IRAG2: variants seen among roughly 807,000 people sequenced by gnomAD.
IRAG2 encodes lymphoid restricted membrane protein.
A neutral mutation model predicts 69.9 loss-of-function variants in IRAG2; 45 were observed. That is an observed-to-expected ratio of 0.64 (90% CI 0.51 to 0.83). The LOEUF is 0.83. Among genes scored for constraint, IRAG2 ranks in the 40% least tolerant of loss-of-function variants. The pLI is 0.00. For synonymous variants in IRAG2, 193 were observed against 202.4 expected (o/e 0.95, Z 0.40); for missense variants, 520 against 587.0 (o/e 0.89, Z 1.18).
At chr12:25,007,781 C>A (rs541906987) in intron 2 of IRAG2, among the ~76,000 whole-genome samples, 10 of 152,314 alleles carry the variant, frequency 6.6e-5, no homozygotes, top group African/African-American at 2.2e-4. Context: ...CTCGGCTTCC[C>A]AAAGTGTTGG....
upstream of IRAG2, among the ~76,000 whole-genome samples, chr12:25,003,984 G>T (rs1450011061): frequency 6.6e-6 from 1 of 152,108 alleles, no homozygotes; most frequent in Non-Finnish European, 1.5e-5. Flanking sequence ...CATTTATTGG[G>T]GTGTGTTGCT....
intron 1 of IRAG2, among the ~76,000 whole-genome samples, chr12:25,057,806 A>G (rs927617957): frequency 6.6e-6 from 1 of 152,164 alleles, no homozygotes; most frequent in African/African-American, 2.4e-5. Flanking sequence ...CACCCTAAGG[A>G]ACAACCACTG....
intron 4 of IRAG2, among the ~76,000 whole-genome samples, chr12:25,065,519 T>G (rs1945922847): frequency 1.3e-5 from 2 of 152,226 alleles, no homozygotes; most frequent in South Asian, 4.1e-4. Context: ...GGGTTCTAAT[T>G]ACCATGTCTA....
At chr12:25,054,458 T>C (rs73282856) in intron 1 of IRAG2, among the ~76,000 whole-genome samples, 3,804 of 152,302 alleles carry the variant, frequency 0.025, 163 homozygotes, top group African/African-American at 0.086. Context: ...CACTGTGATT[T>C]TCTTGCAGTA....
At chr12:25,079,586 G>A (rs1203554897) in intron 8 of IRAG2, 70 bp from the exon 9 acceptor site, 2 of 1,269,972 alleles carry the variant, frequency 1.6e-6, no homozygotes, top group East Asian at 4.6e-5. Flanking sequence ...CTTTTGCATA[G>A]TATAGTTAAA....
intron 14 of IRAG2, chr12:25,092,624 A>G (rs1418838948): frequency 6.6e-6 from 1 of 151,428 alleles, no homozygotes; most frequent in African/African-American, 2.4e-5. Flanking sequence ...GCATAAGAGT[A>G]ATCTTTCTAT....
In IRAG2 at chr12:25,107,956, T is replaced by C. The variant is rs369331176; in HGVS notation, c.1396T>C (p.Ser466Pro). ...SFLTGQLFQKSVDAAPTQQED... is the reference protein window; with the variant it reads ...SFLTGQLFQKPVDAAPTQQED... ...CCTCACAGGCCAATTATTCCAGAAG[T>C]CTGTGGATGCCGCTCCCACACAGCA... Residue 466 changes from serine to proline, a missense_variant, in exon 22 of 22, where the codon TCT becomes CCT. Ser to Pro is a moderately conservative substitution (Grantham distance 74). Coordinates refer to ENST00000556887, the MANE Select transcript of IRAG2 (RefSeq NM_001366544.2). The C allele has an allele frequency of 1.2e-6, 2 of 1,614,150 alleles. No homozygotes were observed. Among genetic ancestry groups the C allele is most frequent in the Non-Finnish European group, 1.7e-6 (2 of 1,180,032 alleles).
intron 15 of IRAG2, among the ~76,000 whole-genome samples, chr12:25,098,960 C>T (rs1301561040): frequency 6.6e-6 from 1 of 152,158 alleles, no homozygotes; most frequent in Non-Finnish European, 1.5e-5. Flanking sequence ...CACTTAGCTT[C>T]CAGGCACCAT....
In IRAG2 at chr12:25,061,620, C is replaced by T. The variant is rs1302841676; in HGVS notation, c.-418C>T. The T allele has an allele frequency of 2.5e-6, 1 of 398,534 alleles. No homozygotes were observed. Among genetic ancestry groups the T allele is most frequent in the Admixed American group, 4.4e-5 (1 of 22,732 alleles). The allele number at this position is 398,534 out of a possible 1,614,324, so 24.7% of individuals were successfully genotyped here. A position where few individuals can be genotyped will look rare whatever the true frequency, so the allele number is the denominator to read the frequency against. ...CAATTGAGTCACTTCAAAAGGAGTT[C>T]ATTGAAGGGGAACACCATGGCTTGC... is the stretch of plus-strand genomic sequence containing the variant. On this transcript the variant is annotated 5_prime_UTR_variant, in exon 2 of 22. Transcript: ENST00000556887.
At chr12:25,062,704 G>T in intron 2 of IRAG2, 116 bp from the exon 3 acceptor site, 1 of 395,724 alleles carries the variant, frequency 2.5e-6, no homozygotes, top group Non-Finnish European at 4.5e-6. Context: ...AAAAGAACTT[G>T]TCAATTTCAC....
intron 6 of IRAG2, among the ~76,000 whole-genome samples, chr12:25,070,740 C>G (rs181686870): frequency 1.2e-4 from 19 of 152,272 alleles, no homozygotes; most frequent in Admixed American, 3.3e-4. Context: ...TGGCTATATC[C>G]TTTTACATTT....
chr12:25,051,210 G>C (rs1466968015), upstream of IRAG2, among the ~76,000 whole-genome samples: 1 of 152,246 alleles, frequency 6.6e-6, no homozygotes, highest in Non-Finnish European at 1.5e-5. Flanking sequence ...TCAGTGGAAA[G>C]TGTGGTGATG....
At chr12:25,013,217 C>CACCA (rs1944490955) in intron 3 of IRAG2, among the ~76,000 whole-genome samples, 1 of 152,206 alleles carries the variant, frequency 6.6e-6, no homozygotes, top group African/African-American at 2.4e-5. Flanking sequence ...TGGCTCGTGC[C>CACCA]TGTAATCCCA....
chr12:25,105,653 G>A (rs981632889), intron 20 of IRAG2, among the ~76,000 whole-genome samples: 1 of 151,732 alleles, frequency 6.6e-6, no homozygotes. Flanking sequence ...AAAAAAATCA[G>A]TTCAAGAGTC....
upstream of IRAG2, among the ~76,000 whole-genome samples, chr12:25,003,654 T>C (rs1944409370): frequency 3.3e-5 from 5 of 152,232 alleles, no homozygotes; most frequent in Non-Finnish European, 7.3e-5. Flanking sequence ...GAGTCAGACA[T>C]TCTTTGACTC....
upstream of IRAG2, among the ~76,000 whole-genome samples, chr12:24,999,703 C>G (rs1944377133): frequency 6.6e-6 from 1 of 151,876 alleles, no homozygotes. Flanking sequence ...ATAATAGATG[C>G]TCCTAAATTT....
intron 13 of IRAG2, among the ~76,000 whole-genome samples, chr12:25,035,308 C>T (rs1208599597): frequency 6.6e-6 from 1 of 152,162 alleles, no homozygotes; most frequent in Non-Finnish European, 1.5e-5. Flanking sequence ...AACCTGTTTT[C>T]AGTGGGATTG....
intron 1 of IRAG2, among the ~76,000 whole-genome samples, chr12:25,059,683 C>A (rs1030441176): frequency 6.6e-6 from 1 of 152,090 alleles, no homozygotes; most frequent in African/African-American, 2.4e-5. Context: ...ATATGCTTTT[C>A]TTCCTATGTG....
At chr12:25,013,385 G>A (rs1472134904) in intron 3 of IRAG2, among the ~76,000 whole-genome samples, 1 of 152,180 alleles carries the variant, frequency 6.6e-6, no homozygotes, top group Non-Finnish European at 1.5e-5. Context: ...GGCTGAAGCA[G>A]GAGGATTGCT....
Sources: allele counts gnomAD v4.1 joint callset (sites outside exome capture counted in the v4.1 genomes callset), GRCh38; gene constraint gnomAD v4.1.1; transcripts MANE v1.5; gene names NCBI Gene and HGNC (gene_info 2026-07-23, HGNC 2026-07-21).